PDE12: variants seen among roughly 807,000 people sequenced by gnomAD.
PDE12 encodes the protein phosphodiesterase 12, also known as 2',5'-phosphodiesterase 12.
PDE12 carries 26 observed loss-of-function variants against 45.4 expected under a neutral mutation model. The ratio of observed to expected loss-of-function variants is 0.57; its 90% CI spans 0.42 to 0.79. The LOEUF is 0.79. Ranked by LOEUF, PDE12 falls within the 30% of genes least tolerant of loss-of-function variation. The probability of loss-of-function intolerance (pLI) is 0.00; values close to 1 mark genes in which losing one functional copy is unlikely to be tolerated. For missense variants in PDE12, 668 were observed against 790.0 expected (o/e 0.85, Z 1.85); for synonymous variants, 283 against 323.9 (o/e 0.87, Z 1.36).
chr3:57,601,090 A>G, the PDE12 span, among the ~76,000 whole-genome samples: 1 of 151,740 alleles, frequency 6.6e-6, no homozygotes, highest in Non-Finnish European at 1.5e-5. Context: ...AACATACTAC[A>G]CTAGGTAGTA....
the PDE12 span, among the ~76,000 whole-genome samples, chr3:57,579,692 G>A: frequency 6.6e-6 from 1 of 152,080 alleles, no homozygotes; most frequent in Non-Finnish European, 1.5e-5. Context: ...AATTTCCTTT[G>A]TTTTAGCAAA....
chr3:57,632,798 T>C, the PDE12 span, among the ~76,000 whole-genome samples: 2 of 152,194 alleles, frequency 1.3e-5, no homozygotes, highest in Non-Finnish European at 2.9e-5. Flanking sequence ...TGCTACCATA[T>C]GCCAGTCTGA....
chr3:57,576,222 A>C, the PDE12 span, among the ~76,000 whole-genome samples: 17 of 152,314 alleles, frequency 1.1e-4, no homozygotes, highest in Middle Eastern at 3.4e-3. Context: ...TAAGTGAAAA[A>C]ATCAGTCACA....
the PDE12 span, among the ~76,000 whole-genome samples, chr3:57,635,558 G>C: frequency 2.0e-5 from 3 of 152,076 alleles, no homozygotes; most frequent in Non-Finnish European, 4.4e-5. Flanking sequence ...ACAATCTAGA[G>C]ATTATATTAT....
rs1406559825 is a variant in PDE12, at chr3:57,562,105, T to C, written c.*2101T>C. On this transcript the variant is annotated 3_prime_UTR_variant, in exon 3 of 3. Coordinates refer to ENST00000311180, the MANE Select transcript of PDE12 (RefSeq NM_177966.7). ...TTTGGGCTGTTTTCAAAGAAAGATGTTGATAGAACCCTTAGAGTGACTTGG... is the reference window on the plus strand; with the variant it reads ...TTTGGGCTGTTTTCAAAGAAAGATGCTGATAGAACCCTTAGAGTGACTTGG... 1 of 982,140 alleles carries C rather than the reference T, an allele frequency of 1.0e-6. No homozygotes were observed. The highest frequency in any genetic ancestry group is 1.2e-6 in the Non-Finnish European group (1 of 827,048). 60.8% of individuals were successfully genotyped at this position (982,140 alleles called of 1,614,324 possible). A position where few individuals can be genotyped will look rare whatever the true frequency, so the allele number is the denominator to read the frequency against.
the PDE12 span, among the ~76,000 whole-genome samples, chr3:57,641,219 ATATATATTTAAATATTTAAATATATAT>A: frequency 6.9e-6 from 1 of 144,470 alleles, no homozygotes; most frequent in African/African-American, 2.5e-5. Flanking sequence ...AGTAATAAAA[ATATATATTTAAATATTTAAATATATAT>A]TATATATTTA....
chr3:57,575,712 G>C, the PDE12 span: 2 of 1,561,072 alleles, frequency 1.3e-6, no homozygotes, highest in African/African-American at 2.8e-5. Flanking sequence ...CTACCAACCG[G>C]AATCCAATTT....
At chr3:57,610,611 A>G in the PDE12 span, among the ~76,000 whole-genome samples, 1 of 152,160 alleles carries the variant, frequency 6.6e-6, no homozygotes, top group Non-Finnish European at 1.5e-5. Context: ...AGAGAGCCAA[A>G]TCATGAGTGA....
chr3:57,627,647 G>C, the PDE12 span: 2 of 152,194 alleles, frequency 1.3e-5, no homozygotes, highest in Non-Finnish European at 2.9e-5. Context: ...TTTAAACAAT[G>C]ATCACTCAAC....
chr3:57,639,870 T>C, the PDE12 span, among the ~76,000 whole-genome samples: 3 of 151,628 alleles, frequency 2.0e-5, no homozygotes, highest in Non-Finnish European at 4.4e-5. Context: ...TTGATTCTAA[T>C]ACTTCCATTT....
In PDE12 at chr3:57,559,640, T is replaced by C. The variant is rs1428536217; in HGVS notation, c.1466T>C (p.Ile489Thr). Residue 489 changes from isoleucine to threonine, a missense_variant, in exon 3 of 3, where the codon ATA becomes ACA. By Grantham distance (89) the Ile-to-Thr change is moderately conservative. Transcript: ENST00000311180. ...GTTTCATGTGATCTGTATCCTGGCA[T>C]ACCAGTTATATTTTGTGGGGACTTT... Reference protein sequence around the residue: ...RHVSCDLYPGIPVIFCGDFNS... With the variant: ...RHVSCDLYPGTPVIFCGDFNS... The C allele has an allele frequency of 4.3e-6, 7 of 1,614,236 alleles. No individual in the cohort carries two copies. The highest frequency in any genetic ancestry group is 5.9e-6 in the Non-Finnish European group (7 of 1,180,032).
At chr3:57,592,815 C>A in the PDE12 span, among the ~76,000 whole-genome samples, 1 of 151,994 alleles carries the variant, frequency 6.6e-6, no homozygotes, top group Non-Finnish European at 1.5e-5. Flanking sequence ...AACCAATAAC[C>A]TGAGAAAATG....
chr3:57,626,152 G>A, the PDE12 span: 1 of 152,556 alleles, frequency 6.6e-6, no homozygotes, highest in African/African-American at 2.4e-5. Context: ...TCTTTCAAAT[G>A]CCATATTCTC....
chr3:57,578,955 A>G, the PDE12 span, among the ~76,000 whole-genome samples: 1 of 152,154 alleles, frequency 6.6e-6, no homozygotes, highest in African/African-American at 2.4e-5. Context: ...CTAAAGTATC[A>G]ATTTTGATCA....
chr3:57,653,329 T>A, the PDE12 span, among the ~76,000 whole-genome samples: 1 of 152,218 alleles, frequency 6.6e-6, no homozygotes, highest in East Asian at 1.9e-4. Flanking sequence ...GGAAGTATAG[T>A]TACAAGATAA....
At position 57,561,891 on chromosome 3, in the gene PDE12, A is replaced by C; in HGVS notation, c.*1887A>C. 1.0e-6 allele frequency: 1 copy of C among 985,296 alleles called. No individual in the cohort carries two copies. Among genetic ancestry groups the C allele is most frequent in the Non-Finnish European group, 1.2e-6 (1 of 829,802 alleles). The allele number at this position is 985,296 out of a possible 1,614,324, so 61.0% of individuals were successfully genotyped here. ...GTACTTTAAGTACTCCAAGGGGAAA[A>C]TTAAAGTGGAAGTTTCTTCGGATCT... On this transcript the variant is annotated 3_prime_UTR_variant, in exon 3 of 3. Transcript: ENST00000311180.
the PDE12 span, chr3:57,646,370 A>G: frequency 3.0e-5 from 48 of 1,614,030 alleles, no homozygotes; most frequent in East Asian, 6.7e-5. Context: ...CGCCATAACC[A>G]CAAGGGGCTC....
At chr3:57,597,452 G>C in the PDE12 span, 29 of 232,498 alleles carry the variant, frequency 1.2e-4, no homozygotes, top group African/African-American at 6.7e-4. Flanking sequence ...ACAGAATCGC[G>C]TCACCGCCGC....
At chr3:57,602,230 T>G in the PDE12 span, among the ~76,000 whole-genome samples, 2 of 152,222 alleles carry the variant, frequency 1.3e-5, no homozygotes, top group Admixed American at 1.3e-4. Flanking sequence ...TCTGCGAGAC[T>G]GATTCAATTC....
Sources: allele counts gnomAD v4.1 joint callset (sites outside exome capture counted in the v4.1 genomes callset), GRCh38; gene constraint gnomAD v4.1.1; transcripts MANE v1.5; gene names NCBI Gene and HGNC (gene_info 2026-07-23, HGNC 2026-07-21).